The following ZFP90 variants were observed in gnomAD, a reference collection of about 807,000 sequenced individuals.
ZFP90 encodes ZFP90 zinc finger protein.
Under a neutral mutation model 60.8 loss-of-function variants are expected in ZFP90, and 38 were observed. That is an observed-to-expected ratio of 0.62 (90% CI 0.48 to 0.82). ZFP90 has a LOEUF of 0.82. Ranked by LOEUF, ZFP90 falls within the 40% of genes least tolerant of loss-of-function variation. ZFP90 has a pLI of 0.00. For missense variants in ZFP90, 711 were observed against 759.1 expected, an observed-to-expected ratio of 0.94 and a Z score of 0.74; for synonymous variants, 287 against 264.8, an observed-to-expected ratio of 1.08 and a Z score of -0.82.
Position 68,565,334 on chromosome 16 carries a change from A to G in ZFP90, c.*636A>G, listed in dbSNP as rs541433462. On this transcript the variant is annotated 3_prime_UTR_variant, in exon 5 of 5. Coordinates refer to ENST00000563169, the MANE Select transcript of ZFP90 (RefSeq NM_001305203.2). The stretch of plus-strand genomic sequence containing the variant: ...CAGTGAAAAGGTTATTTTTGGACTC[A>G]GAGGGCTTTAAAATAAATTTTAAGA... The G allele has an allele frequency of 2.1e-5, 21 of 985,592 alleles. No individual in the cohort carries two copies. The East Asian group carries it at 1.6e-3, about 74-fold the overall frequency. The allele number at this position is 985,592 out of a possible 1,614,324, so 61.1% of individuals were successfully genotyped here.
chr16:68,572,978 A>T (rs756353153), intron 2 of ZFP90, among the ~76,000 whole-genome samples: 1 of 152,214 alleles, frequency 6.6e-6, no homozygotes. Flanking sequence ...GGACCACTCC[A>T]TCTGTTTTCC....
chr16:68,557,953 AT>A (rs762407424), intron 2 of ZFP90, 44 bp from the exon 3 acceptor site: 1 of 1,611,582 alleles, frequency 6.2e-7, no homozygotes, highest in Non-Finnish European at 8.5e-7. Context: ...GCCTTAGAAC[AT>A]TTGTGGGGTT....
intron 2 of ZFP90, among the ~76,000 whole-genome samples, chr16:68,545,792 G>A (rs2091138834): frequency 6.6e-6 from 1 of 152,286 alleles, no homozygotes; most frequent in South Asian, 2.1e-4. Flanking sequence ...TCCAACCTAG[G>A]TGACTGAGCG....
Position 68,567,055 on chromosome 16 carries a change from C to A in ZFP90, c.*2357C>A. On this transcript the variant is annotated 3_prime_UTR_variant, in exon 5 of 5. Transcript: ENST00000563169. ...CCATGAACCATGCACTTATGGATACCCAGCCTTTTAGGGCTACGTGAAATG... is the reference window on the plus strand; with the variant it reads ...CCATGAACCATGCACTTATGGATACACAGCCTTTTAGGGCTACGTGAAATG... 30 of 985,490 alleles carry A rather than the reference C, an allele frequency of 3.0e-5. 1 individual carries two copies. Among genetic ancestry groups the A allele is most frequent in the Non-Finnish European group, 3.5e-5 (29 of 829,912 alleles). The allele number at this position is 985,490 out of a possible 1,614,324, so 61.0% of individuals were successfully genotyped here.
chr16:68,556,049 AGTCCCAGCTACTCT>A (rs1216174458), intron 2 of ZFP90, among the ~76,000 whole-genome samples: 2 of 152,342 alleles, frequency 1.3e-5, no homozygotes, highest in East Asian at 3.9e-4. Context: ...ATATGCCTGT[AGTCCCAGCTACTCT>A]GGAGGCTAAG....
At position 68,563,695 on chromosome 16, in the gene ZFP90, C is replaced by T; in HGVS notation, c.908C>T (p.Ala303Val). ...HSSSLGQHENAHTGEKPYQCS... is the reference protein window; with the variant it reads ...HSSSLGQHENVHTGEKPYQCS... ...TCATCTCTTGGTCAGCATGAGAATGCTCATACCGGAGAGAAACCCTATCAG... is the reference window on the plus strand; with the variant it reads ...TCATCTCTTGGTCAGCATGAGAATGTTCATACCGGAGAGAAACCCTATCAG... The change falls in exon 5 of 5, where the codon GCT becomes GTT. Residue 303 changes from alanine to valine, a missense_variant. Around this residue, in one of 5 missense-constraint regions of ZFP90, gnomAD observed 146 missense variants for 201.4 expected, o/e 0.73. Transcript: ENST00000563169. 6.2e-7 allele frequency: 1 copy of T among 1,614,106 alleles called. No individual in the cohort carries two copies. Among genetic ancestry groups the T allele is most frequent in the Non-Finnish European group, 8.5e-7 (1 of 1,180,022 alleles).
At chr16:68,568,681 A>T (rs561136339), downstream of ZFP90, among the ~76,000 whole-genome samples, 2 of 152,150 alleles carry the variant, frequency 1.3e-5, no homozygotes, top group South Asian at 4.1e-4. Flanking sequence ...ACAATAAGTC[A>T]TGGCATATTC....
At position 68,543,738 on chromosome 16, in the gene ZFP90, T is replaced by C. The variant is rs2091094889; in HGVS notation, c.33+3913T>C. Among the ~76,000 whole-genome samples the C allele has an allele frequency of 4.6e-5, 7 of 151,996 alleles. No homozygotes were observed. In the South Asian group the frequency reaches 1.5e-3, roughly 32 times the overall value. On this transcript the variant is annotated intron_variant, in intron 2 of 4. Transcript: ENST00000563169. ...ACCACGCCCAGCTAATTTTTGTATT[T>C]TTGGTACAGACAGGGTTTCACCATG...
intron 2 of ZFP90, among the ~76,000 whole-genome samples, chr16:68,548,760 G>T (rs2091201436): frequency 6.6e-6 from 1 of 152,064 alleles, no homozygotes; most frequent in African/African-American, 2.4e-5. Context: ...AAAGTGCTGG[G>T]ATTACAGGCA....
intron 4 of ZFP90, 61 bp from the exon 5 acceptor site, chr16:68,562,983 C>T (rs2091459838): frequency 1.9e-6 from 3 of 1,599,964 alleles, no homozygotes; most frequent in Non-Finnish European, 2.6e-6. Context: ...TTCATTCCTA[C>T]TCTAGCAGTG....
chr16:68,541,596 C>T (rs2091050775), intron 2 of ZFP90, among the ~76,000 whole-genome samples: 1 of 152,048 alleles, frequency 6.6e-6, no homozygotes, highest in South Asian at 2.1e-4. Context: ...CGGGCCCGGC[C>T]TGCGTTTTTA....
At chr16:68,535,320 CG>C (rs1275276086), upstream of ZFP90, among the ~76,000 whole-genome samples, 2 of 152,178 alleles carry the variant, frequency 1.3e-5, no homozygotes, top group African/African-American at 4.8e-5. Context: ...TATCCACCAA[CG>C]CCCCTACTCA....
chr16:68,563,206 C>T lies in ZFP90; in HGVS notation c.419C>T (p.Ser140Leu). 6.2e-7 allele frequency: 1 copy of T among 1,614,148 alleles called. No homozygotes were observed. Among genetic ancestry groups the T allele is most frequent in the Non-Finnish European group, 8.5e-7 (1 of 1,180,018 alleles). Reference protein sequence around the residue: ...QQENWKRHLGSEASTQKKIIT... With the variant: ...QQENWKRHLGLEASTQKKIIT... ...GAAAACTGGAAGAGACATCTGGGAT[C>T]AGAGGCATCCACCCAGAAGAAAATA... Residue 140 changes from serine (S) to leucine (L), a missense_variant, in exon 5 of 5, where the codon TCA becomes TTA. Physicochemically the swap from Ser to Leu is moderately radical, Grantham distance 145. This residue lies in a region of ZFP90 where 241 missense variants were observed against 247.6 expected (regional missense o/e 0.97). Transcript: ENST00000563169.
chr16:68,563,194 G>C lies in ZFP90; in HGVS notation c.407G>C (p.Arg136Thr), dbSNP rs749452108. 6.2e-7 allele frequency: 1 copy of C among 1,614,138 alleles called. No individual in the cohort carries two copies. Among genetic ancestry groups the C allele is most frequent in the Non-Finnish European group, 8.5e-7 (1 of 1,180,010 alleles). ...GACAGGCAACAGGAAAACTGGAAGAGACATCTGGGATCAGAGGCATCCACC... is the reference window on the plus strand; with the variant it reads ...GACAGGCAACAGGAAAACTGGAAGACACATCTGGGATCAGAGGCATCCACC... The part of the protein sequence containing the change: ...QLDRQQENWK[R>T]HLGSEASTQK... Residue 136 changes from arginine (R) to threonine (T), a missense_variant, in exon 5 of 5, where the codon AGA becomes ACA. Arg to Thr is a moderately conservative substitution (Grantham distance 71). This residue lies in a region of ZFP90 where 241 missense variants were observed against 247.6 expected (regional missense o/e 0.97). Transcript: ENST00000563169.
chr16:68,543,957 A>G (rs769890135), intron 2 of ZFP90, among the ~76,000 whole-genome samples: 27 of 150,354 alleles, frequency 1.8e-4, no homozygotes, highest in Admixed American at 4.6e-4. Context: ...GGTTCAAGCA[A>G]TTCTCCTGCC....
In ZFP90 at chr16:68,558,520, G is replaced by A; in HGVS notation, c.208G>A (p.Glu70Lys). ...PEVIFKLEQG[E>K]EPWISEGEIQ... ...GGTGATCTTCAAATTGGAGCAAGGA[G>A]AAGAGCCATGGATATCAGAGGGAGA... Residue 70 changes from glutamate (E) to lysine (K), a missense_variant, in exon 4 of 5, where the codon GAA becomes AAA. Coordinates refer to ENST00000563169, the MANE Select transcript of ZFP90 (RefSeq NM_001305203.2). The A allele has an allele frequency of 6.2e-7, 1 of 1,614,072 alleles. No individual in the cohort carries two copies. The highest frequency in any genetic ancestry group is 8.5e-7 in the Non-Finnish European group (1 of 1,180,018).
chr16:68,569,018 A>G (rs2091553353), downstream of ZFP90, among the ~76,000 whole-genome samples: 1 of 151,926 alleles, frequency 6.6e-6, no homozygotes, highest in African/African-American at 2.4e-5. Context: ...CAGTTTTTAA[A>G]TGAAGGAACC....
Position 68,563,713 on chromosome 16 carries a change from C to T in ZFP90, c.926C>T (p.Pro309Leu). The change falls in exon 5 of 5, where the codon CCC (proline) becomes CTC (leucine). Residue 309 changes from proline (P) to leucine (L), a missense_variant. Pro to Leu is a moderately conservative substitution (Grantham distance 98). Transcript: ENST00000563169. ...QHENAHTGEK[P>L]YQCSLCGKAF... ...GAGAATGCTCATACCGGAGAGAAAC[C>T]CTATCAGTGTAGTCTCTGTGGGAAA... The T allele has an allele frequency of 6.2e-7, 1 of 1,614,108 alleles. No homozygotes were observed. The highest frequency in any genetic ancestry group is 1.1e-5 in the South Asian group (1 of 91,072).
rs10658760 is a variant in ZFP90 at position 68,574,926 on chromosome 16, C to CAA, written c.224-850_224-849dup. On this transcript the variant is annotated intron_variant, in intron 2 of 2. Transcript: ENST00000573113. ...TGGGCCACAGAGTGAGACCCTGTCT[C>CAA]AAAAAAAAAAAAAAAAGTGGAAAAA... is the stretch of plus-strand genomic sequence containing the variant. 5.5e-4 allele frequency among the ~76,000 whole-genome samples: 57 copies of CAA among 103,594 alleles called. 6 individuals are homozygous for CAA. Among genetic ancestry groups the CAA allele is most frequent in the African/African-American group, 1.3e-3 (33 of 26,284 alleles). 68.0% of individuals were successfully genotyped at this position (103,594 alleles called of 152,430 possible). A position where few individuals can be genotyped will look rare whatever the true frequency, so the allele number is the denominator to read the frequency against.
Sources: allele counts gnomAD v4.1 joint callset (sites outside exome capture counted in the v4.1 genomes callset), GRCh38; gene constraint gnomAD v4.1.1; regional missense constraint gnomAD v4.1.1; transcripts MANE v1.5; gene names NCBI Gene and HGNC (gene_info 2026-07-23, HGNC 2026-07-21).